MARCHF1: variants seen among roughly 807,000 people sequenced by gnomAD.
The protein encoded by MARCHF1 is E3 ubiquitin-protein ligase MARCHF1.
MARCHF1 carries 40 observed loss-of-function variants against 54.2 expected under a neutral mutation model. That is an observed-to-expected ratio of 0.74 (90% confidence interval 0.57 to 0.96). The LOEUF is 0.96. MARCHF1 is among the 40% of genes least tolerant of loss of function. The pLI is 0.00. For synonymous variants in MARCHF1, 236 were observed against 236.3 expected (o/e 1.00, Z 0.01); for missense variants, 586 against 656.5 (o/e 0.89, Z 1.17).
At chr4:164,141,134 T>C (rs1247480474) in intron 1 of MARCHF1, among the ~76,000 whole-genome samples, 1 of 152,204 alleles carries the variant, frequency 6.6e-6, no homozygotes, top group Non-Finnish European at 1.5e-5. Context: ...GGAGAACTAA[T>C]CAGCAGCACT....
chr4:163,781,746 G>A (rs1003120055), intron 4 of MARCHF1, among the ~76,000 whole-genome samples: 5 of 152,166 alleles, frequency 3.3e-5, no homozygotes, highest in African/African-American at 7.2e-5. Context: ...GAGAAAACAC[G>A]GAAAAGAGAA....
intron 1 of MARCHF1, chr4:164,188,444 A>T: frequency 1.6e-6 from 1 of 624,360 alleles, no homozygotes. Flanking sequence ...GTTCGAGGAC[A>T]AGGAGGAGGA....
intron 3 of MARCHF1, among the ~76,000 whole-genome samples, chr4:163,891,511 T>A (rs1454695501): frequency 1.3e-5 from 2 of 151,988 alleles, no homozygotes; most frequent in Non-Finnish European, 2.9e-5. Context: ...CACTTTTGCC[T>A]ACAGAAATTT....
chr4:163,719,177 C>T (rs1170262532), intron 4 of MARCHF1, among the ~76,000 whole-genome samples: 1 of 147,688 alleles, frequency 6.8e-6, no homozygotes, highest in African/African-American at 2.5e-5. Flanking sequence ...CTTTCCCTCC[C>T]CCCTCCCCCA....
chr4:164,188,548 G>A, intron 1 of MARCHF1: 1 of 747,110 alleles, frequency 1.3e-6, no homozygotes. Context: ...CCAACAATCA[G>A]AGCAAACGCA....
Position 164,243,668 on chromosome 4 carries a change from G to C in MARCHF1, c.-322-132006C>G, listed in dbSNP as rs1325971763. On this transcript the variant is annotated intron_variant, in intron 1 of 9. Coordinates refer to ENST00000514618, the MANE Select transcript of MARCHF1 (RefSeq NM_001394959.1). ...ATTAAAAGACACAGACTGGCAAATT[G>C]GATAAAGAGTCAAGACCCATCAGTG... Among the ~76,000 whole-genome samples the C allele has an allele frequency of 1.3e-4, 19 of 142,298 alleles. No homozygotes were observed. The East Asian group carries it at 3.5e-3, about 26-fold the overall frequency. The allele number at this position is 142,298 out of a possible 152,430, so 93.4% of individuals were successfully genotyped here.
At chr4:163,831,985 T>C (rs546892481) in intron 4 of MARCHF1, among the ~76,000 whole-genome samples, 1 of 152,304 alleles carries the variant, frequency 6.6e-6, no homozygotes, top group Non-Finnish European at 1.5e-5. Context: ...GGGTTCCATC[T>C]ATGATTTGGA....
At chr4:163,701,379 A>T (rs2111231792) in intron 4 of MARCHF1, among the ~76,000 whole-genome samples, 1 of 152,274 alleles carries the variant, frequency 6.6e-6, no homozygotes, top group East Asian at 1.9e-4. Context: ...AAAATTTAAG[A>T]TGCTTCTGAC....
At chr4:164,339,650 C>T (rs748317991) in intron 1 of MARCHF1, among the ~76,000 whole-genome samples, 3 of 152,064 alleles carry the variant, frequency 2.0e-5, no homozygotes, top group Non-Finnish European at 2.9e-5. Flanking sequence ...CCTAACTTCA[C>T]ACCTTCAGGA....
At chr4:163,917,324 T>C (rs1751331890) in intron 3 of MARCHF1, among the ~76,000 whole-genome samples, 3 of 152,134 alleles carry the variant, frequency 2.0e-5, no homozygotes, top group Admixed American at 2.0e-4. Flanking sequence ...CCTGTTAAAC[T>C]CTCTTCCAAC....
rs78865604 is a variant in MARCHF1, at chr4:164,106,977, C to G, written c.-248+4611G>C. On this transcript the variant is annotated intron_variant, in intron 2 of 9. Transcript: ENST00000514618. ...TGCAGAAGATCTTTGCTATAGTTTA[C>G]AAAGTCGTATTGAGGATACAGGCTA... Among the ~76,000 whole-genome samples the G allele has an allele frequency of 6.2e-3, 936 of 152,166 alleles. 6 individuals carry two copies. Among genetic ancestry groups the G allele is most frequent in the Non-Finnish European group, 0.01 (697 of 67,980 alleles).
chr4:164,208,556 TAGGAGGA>T (rs1731675634), intron 1 of MARCHF1, among the ~76,000 whole-genome samples: 1 of 152,164 alleles, frequency 6.6e-6, no homozygotes, highest in Admixed American at 6.5e-5. Flanking sequence ...GATTTGCCTA[TAGGAGGA>T]ATAAGTGCCA....
chr4:163,766,207 T>G (rs898427560), intron 4 of MARCHF1, among the ~76,000 whole-genome samples: 3 of 152,000 alleles, frequency 2.0e-5, no homozygotes, highest in African/African-American at 7.2e-5. Flanking sequence ...CATCTCAGCA[T>G]TTCTTTTAAA....
intron 1 of MARCHF1, among the ~76,000 whole-genome samples, chr4:164,347,849 T>C (rs1262747003): frequency 3.3e-5 from 5 of 152,204 alleles, no homozygotes; most frequent in African/African-American, 1.2e-4. Flanking sequence ...TTTAGAGCTA[T>C]TTAAAATGAA....
At chr4:163,815,822 A>G (rs1748517163) in intron 4 of MARCHF1, among the ~76,000 whole-genome samples, 1 of 152,220 alleles carries the variant, frequency 6.6e-6, no homozygotes, top group East Asian at 1.9e-4. Context: ...CATAGAAGCC[A>G]CCTGCTTAAT....
chr4:164,109,912 TAAAAAAAAA>T (rs57433858), intron 2 of MARCHF1, among the ~76,000 whole-genome samples: 2 of 63,156 alleles, frequency 3.2e-5, no homozygotes, highest in Non-Finnish European at 5.4e-5. Flanking sequence ...AAAATAAAAG[TAAAAAAAAA>T]AAAAAAAAAA....
At chr4:163,750,292 A>T (rs1333985558) in intron 4 of MARCHF1, among the ~76,000 whole-genome samples, 2 of 151,930 alleles carry the variant, frequency 1.3e-5, no homozygotes, top group African/African-American at 4.8e-5. Flanking sequence ...CGGGCGGATC[A>T]TGAGGTCAGG....
chr4:163,721,107 G>A lies in MARCHF1; in HGVS notation c.112-20244C>T, dbSNP rs191066935. On this transcript the variant is annotated intron_variant, in intron 4 of 9. Coordinates refer to ENST00000514618, the MANE Select transcript of MARCHF1 (RefSeq NM_001394959.1). ...AGAGAGGGCATCCCTGTATTGTGCCGGTTTTCAAAGGGAATGCTTCCAGTT... is the reference window on the plus strand; with the variant it reads ...AGAGAGGGCATCCCTGTATTGTGCCAGTTTTCAAAGGGAATGCTTCCAGTT... Among the ~76,000 whole-genome samples the A allele has an allele frequency of 4.2e-3, 636 of 152,178 alleles. 4 individuals carry two copies. Among genetic ancestry groups the A allele is most frequent in the African/African-American group, 0.015 (606 of 41,520 alleles).
At chr4:163,570,751 T>A (rs1739815404) in intron 8 of MARCHF1, among the ~76,000 whole-genome samples, 1 of 152,120 alleles carries the variant, frequency 6.6e-6, no homozygotes, top group African/African-American at 2.4e-5. Context: ...AATCTGCGAT[T>A]TTCACTTCAT....
Sources: gnomAD v4.1 joint callset for allele counts (sites outside exome capture counted in the v4.1 genomes callset) on GRCh38, gnomAD v4.1.1 for gene constraint, MANE v1.5 for transcripts, NCBI Gene and HGNC (gene_info 2026-07-23, HGNC 2026-07-21) for gene names.